Variants in DCC observed in about 807,000 individuals in gnomAD.
DCC encodes the protein DCC netrin 1 receptor.
DCC carries 58 observed loss-of-function variants against 172.5 expected under a neutral mutation model. The ratio of observed to expected loss-of-function variants is 0.34; its 90% confidence interval spans 0.27 to 0.42. DCC has a LOEUF of 0.42. Among genes scored for constraint, DCC ranks in the 10% least tolerant of loss-of-function variants. The pLI is 1.00. For missense variants in DCC, 1,740 were observed against 1,791.0 expected (o/e 0.97, Z 0.51); for synonymous variants, 709 against 644.5 (o/e 1.10, Z -1.52).
In DCC at chr18:53,382,220, C is replaced by T. The variant is rs141306734; in HGVS notation, c.2360-3823C>T. 3.3e-5 allele frequency among the ~76,000 whole-genome samples: 5 copies of T among 152,066 alleles called. No homozygotes were observed. In the East Asian group the frequency reaches 7.7e-4, roughly 24 times the overall value. Reference sequence around the variant, plus strand: ...ATTCAAATTGCGAATGGAATTTGAACTGCAAAAAGGCAATTTTAAATGGCT... The same window carrying T: ...ATTCAAATTGCGAATGGAATTTGAATTGCAAAAAGGCAATTTTAAATGGCT... On this transcript the variant is annotated intron_variant, in intron 15 of 28. Coordinates refer to ENST00000442544, the MANE Select transcript of DCC (RefSeq NM_005215.4).
At chr18:53,388,583 G>C (rs1484906850) in intron 16 of DCC, among the ~76,000 whole-genome samples, 2 of 152,168 alleles carry the variant, frequency 1.3e-5, no homozygotes, top group Non-Finnish European at 2.9e-5. Context: ...GTCTCACGTG[G>C]CCACATGCAT....
At chr18:52,518,497 C>G (rs2031710540) in intron 1 of DCC, among the ~76,000 whole-genome samples, 1 of 152,210 alleles carries the variant, frequency 6.6e-6, no homozygotes, top group South Asian at 2.1e-4. Context: ...GTCGTTTCCT[C>G]TTTGATTCTC....
intron 2 of DCC, among the ~76,000 whole-genome samples, chr18:52,772,011 AAC>A (rs2037352890): frequency 6.6e-6 from 1 of 152,162 alleles, no homozygotes; most frequent in African/African-American, 2.4e-5. Context: ...TACACGAGAT[AAC>A]ACTATGCTTT....
At chr18:52,510,166 A>G (rs2031383270) in intron 1 of DCC, among the ~76,000 whole-genome samples, 1 of 151,150 alleles carries the variant, frequency 6.6e-6, no homozygotes, top group African/African-American at 2.4e-5. Context: ...CTTCTGACTT[A>G]GGGCCACTCC....
chr18:53,405,623 AAGG>A (rs1909610889), intron 19 of DCC, among the ~76,000 whole-genome samples: 1 of 152,192 alleles, frequency 6.6e-6, no homozygotes, highest in Admixed American at 6.5e-5. Context: ...TTAAACAAAA[AAGG>A]AGGAAATTCA....
At chr18:53,348,607 G>A (rs1174418217) in intron 15 of DCC, among the ~76,000 whole-genome samples, 1 of 152,138 alleles carries the variant, frequency 6.6e-6, no homozygotes, top group Non-Finnish European at 1.5e-5. Flanking sequence ...TTTTCCTTCT[G>A]CACTGCCCTA....
intron 19 of DCC, among the ~76,000 whole-genome samples, chr18:53,403,193 A>G (rs1250637289): frequency 6.6e-6 from 1 of 152,130 alleles, no homozygotes. Flanking sequence ...TCTCTGAAGC[A>G]TTAAGACCAC....
At chr18:53,164,220 A>G (rs2054883866) in intron 8 of DCC, among the ~76,000 whole-genome samples, 1 of 152,156 alleles carries the variant, frequency 6.6e-6, no homozygotes, top group African/African-American at 2.4e-5. Context: ...ATTTACCACT[A>G]ATAAAACACA....
At chr18:53,456,058 C>A (rs1599170297) in intron 23 of DCC, among the ~76,000 whole-genome samples, 1 of 152,180 alleles carries the variant, frequency 6.6e-6, no homozygotes, top group African/African-American at 2.4e-5. Flanking sequence ...AGCAGCTGGA[C>A]AGCTCAATAA....
intron 2 of DCC, among the ~76,000 whole-genome samples, chr18:52,797,305 G>A (rs981971128): frequency 6.6e-6 from 1 of 152,054 alleles, no homozygotes; most frequent in Non-Finnish European, 1.5e-5. Context: ...TTCTTTTGGA[G>A]GCATCATGTT....
intron 2 of DCC, among the ~76,000 whole-genome samples, chr18:52,827,112 G>T (rs2038523823): frequency 6.6e-6 from 1 of 152,164 alleles, no homozygotes; most frequent in Non-Finnish European, 1.5e-5. Flanking sequence ...CTTTATACGT[G>T]AATGATCAGT....
intron 1 of DCC, among the ~76,000 whole-genome samples, chr18:52,497,738 C>T (rs977871055): frequency 6.6e-6 from 1 of 152,120 alleles, no homozygotes; most frequent in African/African-American, 2.4e-5. Context: ...ATATCTCCCT[C>T]ATCAAGGGGT....
intron 1 of DCC, among the ~76,000 whole-genome samples, chr18:52,360,830 T>G (rs1198817585): frequency 6.6e-6 from 1 of 152,232 alleles, no homozygotes; most frequent in African/African-American, 2.4e-5. Context: ...CCTGAATTCT[T>G]TTATTGTTTT....
intron 1 of DCC, among the ~76,000 whole-genome samples, chr18:52,712,267 CTTAA>C (rs34995096): frequency 0.021 from 3,250 of 152,240 alleles, 114 homozygotes; most frequent in African/African-American, 0.073. Context: ...CCTCCACTTA[CTTAA>C]TTTTTAAAAT....
intron 2 of DCC, among the ~76,000 whole-genome samples, chr18:52,846,433 G>C (rs1692412479): frequency 6.6e-6 from 1 of 152,102 alleles, no homozygotes; most frequent in African/African-American, 2.4e-5. Context: ...TCAGCTACTG[G>C]GGAGTCTGAG....
At chr18:52,375,809 TTAAG>T (rs1333255260) in intron 1 of DCC, among the ~76,000 whole-genome samples, 1 of 152,162 alleles carries the variant, frequency 6.6e-6, no homozygotes, top group Non-Finnish European at 1.5e-5. Flanking sequence ...ATCCTGTGGG[TTAAG>T]TGTTTCTGGG....
At chr18:53,355,109 G>A (rs563749260) in intron 15 of DCC, among the ~76,000 whole-genome samples, 50 of 152,020 alleles carry the variant, frequency 3.3e-4, no homozygotes, top group African/African-American at 1.2e-3. Flanking sequence ...ATTTCTGAGG[G>A]CTCTGTTCTG....
At chr18:53,243,731 C>T (rs1343699184) in intron 12 of DCC, among the ~76,000 whole-genome samples, 1 of 152,110 alleles carries the variant, frequency 6.6e-6, no homozygotes, top group African/African-American at 2.4e-5. Context: ...GTATTAACGA[C>T]ATAATGTTTG....
chr18:53,528,670 G>A (rs2046486276), intron 28 of DCC, among the ~76,000 whole-genome samples: 2 of 152,046 alleles, frequency 1.3e-5, no homozygotes, highest in South Asian at 4.1e-4. Flanking sequence ...AAATTGACTA[G>A]AAGCTACATT....
Sources: gnomAD v4.1 joint callset for allele counts (sites outside exome capture counted in the v4.1 genomes callset) on GRCh38, gnomAD v4.1.1 for gene constraint, MANE v1.5 for transcripts, NCBI Gene and HGNC (gene_info 2026-07-23, HGNC 2026-07-21) for gene names.